MEIS2: variants seen among roughly 807,000 people sequenced by gnomAD.
MEIS2 encodes the protein Meis homeobox 2, also known as homeobox protein Meis2.
Under a neutral mutation model 58.6 loss-of-function variants are expected in MEIS2, and 9 were observed. The ratio of observed to expected loss-of-function variants is 0.15; its 90% CI spans 0.09 to 0.27. The LOEUF (loss-of-function observed/expected upper bound fraction) is 0.27. Ranked by LOEUF, MEIS2 falls within the 10% of genes least tolerant of loss-of-function variation. MEIS2 has a pLI of 1.00. For synonymous variants in MEIS2, 221 were observed against 228.4 expected, an observed-to-expected ratio of 0.97 and a Z score of 0.29; for missense variants, 427 against 635.0, an observed-to-expected ratio of 0.67 and a Z score of 3.52.
intron 7 of MEIS2, among the ~76,000 whole-genome samples, chr15:37,067,319 T>A (rs1427034261): frequency 6.6e-6 from 1 of 152,022 alleles, no homozygotes; most frequent in Non-Finnish European, 1.5e-5. Context: ...AACTAATTTT[T>A]AACAGATGGT....
At chr15:37,009,955 A>G (rs1370540192) in intron 8 of MEIS2, among the ~76,000 whole-genome samples, 2 of 152,258 alleles carry the variant, frequency 1.3e-5, no homozygotes, top group Non-Finnish European at 2.9e-5. Context: ...AAGTGAATAA[A>G]TGAATAAGAA....
At chr15:37,089,903 TAAAATA>T (rs1370805144) in intron 6 of MEIS2, among the ~76,000 whole-genome samples, 3 of 152,140 alleles carry the variant, frequency 2.0e-5, no homozygotes, top group African/African-American at 7.2e-5. Flanking sequence ...TAAAATTGTG[TAAAATA>T]GATAATGTGA....
chr15:37,074,183 G>A (rs868701025), intron 7 of MEIS2, among the ~76,000 whole-genome samples: 14 of 151,844 alleles, frequency 9.2e-5, no homozygotes, highest in African/African-American at 2.2e-4. Flanking sequence ...TTCAAAACAC[G>A]CCTCATATTT....
At chr15:36,957,434 G>A (rs1322001386) in intron 8 of MEIS2, among the ~76,000 whole-genome samples, 1 of 152,120 alleles carries the variant, frequency 6.6e-6, no homozygotes, top group Admixed American at 6.5e-5. Context: ...CTGAAGGAGA[G>A]TATATTTCAA....
intron 7 of MEIS2, among the ~76,000 whole-genome samples, chr15:37,047,704 C>A (rs925241644): frequency 6.6e-6 from 1 of 152,152 alleles, no homozygotes; most frequent in Non-Finnish European, 1.5e-5. Flanking sequence ...ATATATGAGT[C>A]TCATTCTCAC....
intron 8 of MEIS2, among the ~76,000 whole-genome samples, chr15:37,032,603 ATTCT>A (rs1252880733): frequency 2.0e-5 from 3 of 152,272 alleles, no homozygotes; most frequent in Admixed American, 2.0e-4. Context: ...TTTCCAAGAG[ATTCT>A]TTCTTCAATC....
At chr15:37,095,675 G>C in intron 3 of MEIS2, 61 bp from the exon 4 acceptor site, 1 of 1,612,494 alleles carries the variant, frequency 6.2e-7, no homozygotes, top group Non-Finnish European at 8.5e-7. Flanking sequence ...AAGCTGAAAT[G>C]TGAGAATGGG....
intron 9 of MEIS2, among the ~76,000 whole-genome samples, chr15:36,921,558 G>A (rs575199688): frequency 2.7e-4 from 41 of 152,182 alleles, no homozygotes; most frequent in African/African-American, 8.9e-4. Context: ...CCTCACTGTC[G>A]GTCTGTCTTC....
chr15:36,924,365 G>A (rs2057655948), intron 9 of MEIS2, among the ~76,000 whole-genome samples: 1 of 152,214 alleles, frequency 6.6e-6, no homozygotes, highest in Non-Finnish European at 1.5e-5. Flanking sequence ...TCGCGGTCAT[G>A]AACATTTCTT....
chr15:37,080,912 C>A (rs1219273846), intron 7 of MEIS2, among the ~76,000 whole-genome samples: 1 of 152,080 alleles, frequency 6.6e-6, no homozygotes, highest in Non-Finnish European at 1.5e-5. Context: ...CATTTTTTCT[C>A]CTCCTTTTGG....
At chr15:36,896,306 G>C (rs759288564) in intron 10 of MEIS2, among the ~76,000 whole-genome samples, 1 of 152,216 alleles carries the variant, frequency 6.6e-6, no homozygotes, top group Non-Finnish European at 1.5e-5. Context: ...AGAAAAATGA[G>C]AGTGTGCTAA....
intron 8 of MEIS2, among the ~76,000 whole-genome samples, chr15:36,999,931 A>G (rs1434028973): frequency 6.6e-6 from 1 of 152,160 alleles, no homozygotes; most frequent in Non-Finnish European, 1.5e-5. Context: ...TGGAGTGATC[A>G]TGGCACACAA....
intron 9 of MEIS2, among the ~76,000 whole-genome samples, chr15:36,930,965 A>AACT (rs1359939176): frequency 6.6e-6 from 1 of 152,210 alleles, no homozygotes; most frequent in Non-Finnish European, 1.5e-5. Flanking sequence ...TGGCAATGGT[A>AACT]GGCATCAAAA....
chr15:36,922,134 A>C (rs749591507), intron 9 of MEIS2, among the ~76,000 whole-genome samples: 14 of 152,346 alleles, frequency 9.2e-5, no homozygotes, highest in Non-Finnish European at 1.6e-4. Context: ...ATAGAAAAGA[A>C]CTGGAAGGAG....
chr15:37,009,269 A>AAG (rs1278174601), intron 8 of MEIS2, among the ~76,000 whole-genome samples: 78 of 152,316 alleles, frequency 5.1e-4, no homozygotes, highest in African/African-American at 1.8e-3. Context: ...AGCCTGGGCG[A>AAG]CAGAGCGAGA....
chr15:37,098,110 G>A lies in MEIS2; in HGVS notation c.102C>T (p.Pro34=), dbSNP rs200799360. 3.3e-5 allele frequency: 54 copies of A among 1,613,762 alleles called. No homozygotes were observed. The East Asian group carries it at 8.2e-4, about 25-fold the overall frequency. Residue 34 remains proline, a synonymous_variant, in exon 2 of 12, where the codon CCC becomes CCT. Transcript: ENST00000561208. The part of the protein sequence containing the change: ...YGDPHAPRPI[P]PVHHLNHGPP... ...GCCCGTGGTTCAGGTGGTGAACCGG[G>A]GGGATCGGCCGCGGCGCGTGAGGGT... is the stretch of plus-strand genomic sequence containing the variant.
At chr15:36,965,468 C>T (rs1426479141) in intron 8 of MEIS2, among the ~76,000 whole-genome samples, 1 of 152,168 alleles carries the variant, frequency 6.6e-6, no homozygotes, top group Non-Finnish European at 1.5e-5. Context: ...CTCTGTCCCT[C>T]CAGAATGTAA....
chr15:37,082,898 CCTGT>C lies in MEIS2; in HGVS notation c.754+869_754+872del, dbSNP rs376575799. Among the ~76,000 whole-genome samples the C allele has an allele frequency of 1.6e-4, 25 of 152,104 alleles. No individual in the cohort carries two copies. The South Asian group carries it at 5.0e-3, about 30-fold the overall frequency. On this transcript the variant is annotated intron_variant, in intron 7 of 11. Transcript: ENST00000561208. ...TGTTAAACTGTCCTCTACTTGGAAG[CCTGT>C]CTAAGACTTAAATATCGTGGCCATA...
intron 8 of MEIS2, among the ~76,000 whole-genome samples, chr15:37,019,469 G>A (rs1179964184): frequency 1.3e-5 from 2 of 152,194 alleles, no homozygotes; most frequent in South Asian, 2.1e-4. Context: ...GTGCACAGAT[G>A]ACAATTTAAA....
Sources: gnomAD v4.1 joint callset for allele counts (sites outside exome capture counted in the v4.1 genomes callset) on GRCh38, gnomAD v4.1.1 for gene constraint, MANE v1.5 for transcripts, NCBI Gene and HGNC (gene_info 2026-07-23, HGNC 2026-07-21) for gene names.